TDRD9: variants seen among roughly 807,000 people sequenced by gnomAD.
TDRD9 encodes ATP-dependent RNA helicase TDRD9.
A neutral mutation model predicts 172.6 loss-of-function variants in TDRD9; 124 were observed. The ratio of observed to expected loss-of-function variants is 0.72; its 90% CI spans 0.62 to 0.83. TDRD9 has a LOEUF of 0.83. TDRD9 is among the 40% of genes least tolerant of loss of function. The pLI is 0.00. For missense variants in TDRD9, 1,479 were observed against 1,714.1 expected, an observed-to-expected ratio of 0.86 and a Z score of 2.42; for synonymous variants, 619 against 617.1, an observed-to-expected ratio of 1.00 and a Z score of -0.05.
chr14:104,034,482 G>A (rs1234938164), intron 31 of TDRD9, among the ~76,000 whole-genome samples: 2 of 152,192 alleles, frequency 1.3e-5, no homozygotes, highest in East Asian at 1.9e-4. Flanking sequence ...GAGCCACCGC[G>A]CCCAGCTTAC....
chr14:104,034,949 G>T lies in TDRD9; in HGVS notation c.3620-11G>T. 1.3e-6 allele frequency: 2 copies of T among 1,549,338 alleles called. No individual in the cohort carries two copies. The highest frequency in any genetic ancestry group is 8.7e-7 in the Non-Finnish European group (1 of 1,145,158). ...TTAATGCCCGATGTTGATTTAGCAT[G>T]ACTTGAACAGGATCTACGATGCTGC... On this transcript the variant is annotated splice_polypyrimidine_tract_variant and intron_variant, in intron 31 of 35. Transcript: ENST00000409874.
chr14:103,947,288 G>T (rs994360669), intron 1 of TDRD9, among the ~76,000 whole-genome samples: 59 of 150,144 alleles, frequency 3.9e-4, no homozygotes, highest in Non-Finnish European at 7.6e-4. Flanking sequence ...AGGACAGTTT[G>T]TTTTTTTTGT....
At chr14:104,051,863 A>G (rs576057043) in intron 35 of TDRD9, 118 bp from the exon 36 acceptor site, 1 of 605,458 alleles carries the variant, frequency 1.7e-6, no homozygotes, top group Non-Finnish European at 3.0e-6. Context: ...AGTGTTCTGT[A>G]AATATTTTTG....
chr14:104,015,880 C>A, intron 21 of TDRD9, 101 bp from the exon 22 acceptor site: 1 of 777,280 alleles, frequency 1.3e-6, no homozygotes, highest in Non-Finnish European at 2.0e-6. Context: ...CCATCTTTTA[C>A]ATTTATGGAT....
At chr14:104,003,261 T>C (rs900636768) in intron 13 of TDRD9, among the ~76,000 whole-genome samples, 1 of 152,130 alleles carries the variant, frequency 6.6e-6, no homozygotes, top group African/African-American at 2.4e-5. Flanking sequence ...GGGACCTCTT[T>C]ATGTTGGGAT....
intron 7 of TDRD9, among the ~76,000 whole-genome samples, chr14:103,978,938 C>G (rs1202421031): frequency 2.0e-5 from 3 of 152,190 alleles, no homozygotes; most frequent in African/African-American, 7.2e-5. Context: ...CAGTAGCCTC[C>G]TATAGCTATT....
At chr14:103,970,760 G>T in intron 6 of TDRD9, 139 bp downstream of exon 6, 1 of 657,540 alleles carries the variant, frequency 1.5e-6, no homozygotes, top group Non-Finnish European at 2.6e-6. Flanking sequence ...ATCCTCAAGT[G>T]CCTTATATGA....
intron 24 of TDRD9, among the ~76,000 whole-genome samples, chr14:104,023,535 A>C (rs2035027743): frequency 6.6e-6 from 1 of 152,236 alleles, no homozygotes; most frequent in Admixed American, 6.5e-5. Context: ...TGGTCAGCCC[A>C]GGGCAGGAGC....
At chr14:104,035,467 G>A (rs879679055) in intron 32 of TDRD9, among the ~76,000 whole-genome samples, 48 of 152,190 alleles carry the variant, frequency 3.2e-4, no homozygotes, top group Non-Finnish European at 6.3e-4. Flanking sequence ...ACATCAGAAG[G>A]CAGATTGCCC....
intron 34 of TDRD9, among the ~76,000 whole-genome samples, chr14:104,043,504 G>T (rs946145686): frequency 6.6e-6 from 1 of 152,148 alleles, no homozygotes; most frequent in Non-Finnish European, 1.5e-5. Flanking sequence ...AAAGTGCTGG[G>T]ATTACAGGTG....
chr14:103,950,077 C>G (rs927969738), intron 1 of TDRD9, among the ~76,000 whole-genome samples: 2 of 134,054 alleles, frequency 1.5e-5, no homozygotes, highest in African/African-American at 5.5e-5. Flanking sequence ...GCCCTGCCCT[C>G]TTTCCTTCCT....
At chr14:103,938,740 C>T (rs995228747) in intron 1 of TDRD9, among the ~76,000 whole-genome samples, 7 of 151,848 alleles carry the variant, frequency 4.6e-5, no homozygotes, top group African/African-American at 1.7e-4. Flanking sequence ...CCCGGCCCCC[C>T]TTTATATTTT....
intron 2 of TDRD9, among the ~76,000 whole-genome samples, chr14:103,962,765 A>G (rs773178289): frequency 6.6e-6 from 1 of 152,116 alleles, no homozygotes; most frequent in Non-Finnish European, 1.5e-5. Flanking sequence ...ATTTGCTTAG[A>G]TGGCCTCCAG....
intron 2 of TDRD9, among the ~76,000 whole-genome samples, chr14:103,959,491 T>TACACACAC (rs147603782): frequency 6.7e-6 from 1 of 148,352 alleles, no homozygotes; most frequent in Non-Finnish European, 1.5e-5. Flanking sequence ...TATGTATACA[T>TACACACAC]ACACACACAC....
intron 12 of TDRD9, among the ~76,000 whole-genome samples, chr14:103,998,182 G>A (rs941223162): frequency 2.8e-4 from 3 of 10,710 alleles, no homozygotes; most frequent in Non-Finnish European, 5.6e-4. Flanking sequence ...CCACCCACGC[G>A]TACAGATGCA....
rs1171512069 is a variant in TDRD9 at position 103,966,806 on chromosome 14, A to G, written c.740A>G (p.Glu247Gly). The change falls in exon 5 of 36, where the codon GAA becomes GGA. Residue 247 changes from glutamate to glycine, a missense_variant. Physicochemically the swap from Glu to Gly is moderately conservative, Grantham distance 98. Around this residue, in one of 3 missense-constraint regions of TDRD9, gnomAD observed 1,413 missense variants for 1,649.1 expected, o/e 0.86. Coordinates refer to ENST00000409874, the MANE Select transcript of TDRD9 (RefSeq NM_153046.3). ...QKIVSAKSLM[E>G]FTHIIIDEVH... ...ATAGTTAGTGCCAAGAGTTTGATGG[A>G]ATTCACACATATCATCATTGATGAA... is the stretch of plus-strand genomic sequence containing the variant. 2.3e-5 allele frequency: 36 copies of G among 1,550,794 alleles called. No individual in the cohort carries two copies. Among genetic ancestry groups the G allele is most frequent in the Admixed American group, 5.9e-5 (3 of 50,924 alleles).
chr14:103,981,140 C>T (rs1431507894), intron 7 of TDRD9, among the ~76,000 whole-genome samples: 1 of 152,168 alleles, frequency 6.6e-6, no homozygotes, highest in African/African-American at 2.4e-5. Context: ...CACCTGTCCT[C>T]AAGTGATCCT....
chr14:104,028,631 G>A (rs1011820743), intron 28 of TDRD9, among the ~76,000 whole-genome samples: 1 of 152,092 alleles, frequency 6.6e-6, no homozygotes, highest in Admixed American at 6.5e-5. Context: ...CATTCTACAG[G>A]TTGTCTCTTC....
At chr14:103,982,949 G>T (rs2033532080) in intron 7 of TDRD9, among the ~76,000 whole-genome samples, 1 of 151,874 alleles carries the variant, frequency 6.6e-6, no homozygotes, top group Non-Finnish European at 1.5e-5. Flanking sequence ...TAGAAAAAGG[G>T]TTACATAAAA....
Sources: gnomAD v4.1 joint callset for allele counts (sites outside exome capture counted in the v4.1 genomes callset) on GRCh38, gnomAD v4.1.1 for gene constraint, gnomAD v4.1.1 regional missense constraint, MANE v1.5 for transcripts, NCBI Gene and HGNC (gene_info 2026-07-23, HGNC 2026-07-21) for gene names.